Variants in CSMD1 observed in about 807,000 individuals in gnomAD.
The protein encoded by CSMD1 is CUB and sushi domain-containing protein 1.
CSMD1 carries 213 observed loss-of-function variants against 417.5 expected under a neutral mutation model. That is an observed-to-expected ratio of 0.51 (90% CI 0.46 to 0.57). CSMD1 has a LOEUF of 0.57. Ranked by LOEUF, CSMD1 falls within the 20% of genes least tolerant of loss-of-function variation. The pLI is 0.00. For missense variants in CSMD1, 6,923 were observed against 4,529.7 expected (o/e 1.53, Z -15.17); for synonymous variants, 2,862 against 1,736.8 (o/e 1.65, Z -16.11).
chr8:4,332,953 A>G (rs1799960291), intron 3 of CSMD1, among the ~76,000 whole-genome samples: 1 of 151,910 alleles, frequency 6.6e-6, no homozygotes, highest in Admixed American at 6.6e-5. Flanking sequence ...CTAAAAAAAA[A>G]AAAACTAAGA....
chr8:2,963,528 A>C, intron 59 of CSMD1, 133 bp from the exon 60 acceptor site: 1 of 848,344 alleles, frequency 1.2e-6, no homozygotes, highest in Non-Finnish European at 1.8e-6. Context: ...AAATAATAAA[A>C]GAATTGCCAA....
intron 11 of CSMD1, among the ~76,000 whole-genome samples, chr8:3,476,908 G>A (rs78054944): frequency 0.62 from 84,721 of 135,928 alleles, 26,093 homozygotes; most frequent in Middle Eastern, 0.75. Context: ...GCGAAACTCC[G>A]CCTCAAAAAA....
intron 9 of CSMD1, among the ~76,000 whole-genome samples, chr8:3,584,496 G>T (rs1429860027): frequency 6.6e-6 from 1 of 152,094 alleles, no homozygotes; most frequent in Non-Finnish European, 1.5e-5. Flanking sequence ...TCCACCTTCA[G>T]CCTGGATGGA....
At chr8:3,643,649 C>T (rs1054479559) in intron 7 of CSMD1, among the ~76,000 whole-genome samples, 8 of 143,530 alleles carry the variant, frequency 5.6e-5, no homozygotes, top group African/African-American at 2.1e-4. Context: ...TGCAGTGAGC[C>T]GAGATCGCGC....
chr8:4,385,837 A>G (rs1417949199), intron 3 of CSMD1, among the ~76,000 whole-genome samples: 1 of 152,190 alleles, frequency 6.6e-6, no homozygotes, highest in Non-Finnish European at 1.5e-5. Context: ...GTTTCTGGGA[A>G]ACTGTTAAAA....
chr8:3,262,215 A>G (rs1585842719), intron 26 of CSMD1, among the ~76,000 whole-genome samples: 1 of 128,866 alleles, frequency 7.8e-6, no homozygotes, highest in African/African-American at 3.1e-5. Context: ...ATATATATAT[A>G]TATATATATA....
At chr8:4,342,671 C>G (rs1349195293) in intron 3 of CSMD1, among the ~76,000 whole-genome samples, 5 of 152,066 alleles carry the variant, frequency 3.3e-5, no homozygotes, top group Non-Finnish European at 5.9e-5. Flanking sequence ...TAAACATGAA[C>G]TGGCTGCCCA....
chr8:3,204,051 AAG>A (rs1187097227), intron 31 of CSMD1, among the ~76,000 whole-genome samples: 1 of 152,218 alleles, frequency 6.6e-6, no homozygotes, highest in African/African-American at 2.4e-5. Flanking sequence ...TTTATCAGGA[AAG>A]AGTAACGAAT....
intron 9 of CSMD1, among the ~76,000 whole-genome samples, chr8:3,579,386 C>G (rs1584915706): frequency 6.6e-6 from 1 of 152,144 alleles, no homozygotes; most frequent in Non-Finnish European, 1.5e-5. Flanking sequence ...TCCAGGAAAT[C>G]TTATGGTTCT....
chr8:4,085,447 A>C (rs1435259186), intron 3 of CSMD1, among the ~76,000 whole-genome samples: 1 of 152,216 alleles, frequency 6.6e-6, no homozygotes, highest in Non-Finnish European at 1.5e-5. Flanking sequence ...AATGAGTTTT[A>C]ATTGCTCAGA....
chr8:3,044,827 C>G (rs1811331337), intron 50 of CSMD1, among the ~76,000 whole-genome samples: 1 of 152,168 alleles, frequency 6.6e-6, no homozygotes, highest in African/African-American at 2.4e-5. Flanking sequence ...ATTCAGTGTA[C>G]TGATCTACAT....
intron 2 of CSMD1, among the ~76,000 whole-genome samples, chr8:4,462,816 A>C (rs1432986103): frequency 6.6e-6 from 1 of 152,208 alleles, no homozygotes; most frequent in African/African-American, 2.4e-5. Flanking sequence ...TCCACAAAAA[A>C]ATTGATAAAT....
At chr8:4,866,102 C>A (rs1295965893) in intron 1 of CSMD1, among the ~76,000 whole-genome samples, 3 of 151,938 alleles carry the variant, frequency 2.0e-5, no homozygotes, top group African/African-American at 2.4e-5. Context: ...AGTAATCCAA[C>A]TGCACTACTA....
At chr8:3,466,221 C>G (rs530093959) in intron 12 of CSMD1, among the ~76,000 whole-genome samples, 1 of 150,176 alleles carries the variant, frequency 6.7e-6, no homozygotes, top group South Asian at 2.1e-4. Context: ...TTTTTAATGA[C>G]GAGTCTGATA....
chr8:3,918,045 G>C (rs989920243), intron 5 of CSMD1, among the ~76,000 whole-genome samples: 1 of 151,984 alleles, frequency 6.6e-6, no homozygotes. Context: ...TTTTTAAGGG[G>C]TGAGTAATAT....
At chr8:3,984,199 C>G (rs1173390653) in intron 5 of CSMD1, among the ~76,000 whole-genome samples, 1 of 145,530 alleles carries the variant, frequency 6.9e-6, no homozygotes, top group African/African-American at 2.5e-5. Context: ...TCAGACTGCG[C>G]TTGCACCCAG....
intron 5 of CSMD1, among the ~76,000 whole-genome samples, chr8:3,823,626 T>G (rs1172850098): frequency 6.6e-6 from 1 of 152,158 alleles, no homozygotes; most frequent in Admixed American, 6.6e-5. Flanking sequence ...ATAACATTTT[T>G]ATAAAAATAA....
chr8:3,512,182 G>A (rs1481623956), intron 10 of CSMD1, among the ~76,000 whole-genome samples: 2 of 152,196 alleles, frequency 1.3e-5, no homozygotes, highest in Admixed American at 6.5e-5. Flanking sequence ...TTACTATCCT[G>A]GCACAGATGA....
chr8:4,068,319 G>A (rs537475774), intron 3 of CSMD1, among the ~76,000 whole-genome samples: 9 of 152,280 alleles, frequency 5.9e-5, no homozygotes, highest in African/African-American at 2.2e-4. Context: ...CGGGAGAGCT[G>A]TGAGGCCAGC....
Sources: allele counts gnomAD v4.1 joint callset (sites outside exome capture counted in the v4.1 genomes callset), GRCh38; gene constraint gnomAD v4.1.1; transcripts MANE v1.5; gene names NCBI Gene and HGNC (gene_info 2026-07-23, HGNC 2026-07-21).